The following RAB3C variants were observed in gnomAD, a reference collection of about 807,000 sequenced individuals.
RAB3C encodes RAB3C, member RAS oncogene family.
Under a neutral mutation model 26.4 loss-of-function variants are expected in RAB3C, and 17 were observed. The ratio of observed to expected loss-of-function variants is 0.64; its 90% CI spans 0.44 to 0.97. RAB3C has a LOEUF of 0.97. Among genes scored for constraint, RAB3C ranks in the 50% least tolerant of loss-of-function variants. RAB3C has a pLI of 0.00. For synonymous variants in RAB3C, 91 were observed against 95.9 expected (o/e 0.95, Z 0.30); for missense variants, 242 against 281.9 (o/e 0.86, Z 1.01).
chr5:58,682,468 G>A (rs1042772589), intron 2 of RAB3C, among the ~76,000 whole-genome samples: 4 of 151,760 alleles, frequency 2.6e-5, no homozygotes, highest in African/African-American at 9.7e-5. Flanking sequence ...GTGGATCATG[G>A]GGTCAGGAGA....
intron 3 of RAB3C, among the ~76,000 whole-genome samples, chr5:58,768,264 A>G (rs1741950853): frequency 6.6e-6 from 1 of 152,206 alleles, no homozygotes; most frequent in Admixed American, 6.5e-5. Context: ...TCTTGATCCC[A>G]GCACTGCTTT....
At chr5:58,636,674 A>G (rs1215717907) in intron 2 of RAB3C, among the ~76,000 whole-genome samples, 1 of 152,210 alleles carries the variant, frequency 6.6e-6, no homozygotes, top group Non-Finnish European at 1.5e-5. Context: ...GAGGAACAAA[A>G]TGTGCCTGAC....
At chr5:58,583,326 C>G (rs770478600) in intron 1 of RAB3C, 94 bp downstream of exon 1, 6 of 1,588,358 alleles carry the variant, frequency 3.8e-6, no homozygotes, top group Middle Eastern at 1.7e-4. Context: ...AAGGAAAGGT[C>G]TAGGCGGTCA....
At chr5:58,703,363 G>A (rs1359260010) in intron 2 of RAB3C, among the ~76,000 whole-genome samples, 1 of 152,016 alleles carries the variant, frequency 6.6e-6, no homozygotes, top group East Asian at 1.9e-4. Flanking sequence ...TGTATTTTTT[G>A]TAGAGATGGG....
Position 58,615,952 on chromosome 5 carries a change from A to C in RAB3C, c.25-1691A>C, listed in dbSNP as rs1357039772. 2.7e-5 allele frequency among the ~76,000 whole-genome samples: 4 copies of C among 149,222 alleles called. No homozygotes were observed. The East Asian group carries it at 8.0e-4, about 30-fold the overall frequency. On this transcript the variant is annotated intron_variant, in intron 1 of 4. Coordinates refer to ENST00000282878, the MANE Select transcript of RAB3C (RefSeq NM_138453.4). ...CCATTTCCCTTTTTCCTTTTTCCTC[A>C]GTTTTCTGTAAACATACGTGTACAC...
chr5:58,851,361 G>GCAGCTC lies in RAB3C; in HGVS notation c.*12_*13insGCTCCA. The GCAGCTC allele has an allele frequency of 6.3e-7, 1 of 1,577,652 alleles. No homozygotes were observed. Among genetic ancestry groups the GCAGCTC allele is most frequent in the African/African-American group, 1.4e-5 (1 of 73,520 alleles). On this transcript the variant is annotated 3_prime_UTR_variant, in exon 5 of 5. Transcript: ENST00000282878. ...CAACTGTGCCTGCTAGTGTCCCCGT[G>GCAGCTC]CACACAGGCAGCTCCAGGGGGCTCT...
intron 1 of RAB3C, among the ~76,000 whole-genome samples, chr5:58,607,863 T>G (rs1166712695): frequency 6.6e-6 from 1 of 152,088 alleles, no homozygotes; most frequent in East Asian, 1.9e-4. Context: ...AAGCAAATCC[T>G]TTACAGACAA....
chr5:58,752,934 A>G (rs1404681532), intron 3 of RAB3C, among the ~76,000 whole-genome samples: 2 of 152,110 alleles, frequency 1.3e-5, no homozygotes, highest in Non-Finnish European at 2.9e-5. Flanking sequence ...CTGCTTTATG[A>G]CAGTTGGAAT....
chr5:58,846,705 T>C (rs1744013510), intron 4 of RAB3C, among the ~76,000 whole-genome samples: 1 of 151,820 alleles, frequency 6.6e-6, no homozygotes, highest in African/African-American at 2.4e-5. Context: ...CTAATGAGGG[T>C]GAACCTCCAA....
At chr5:58,678,696 T>G (rs929228588) in intron 2 of RAB3C, among the ~76,000 whole-genome samples, 3 of 152,182 alleles carry the variant, frequency 2.0e-5, no homozygotes, top group Non-Finnish European at 4.4e-5. Flanking sequence ...GAATAAAAAT[T>G]TAAATTCACC....
intron 3 of RAB3C, among the ~76,000 whole-genome samples, chr5:58,824,011 T>G (rs1056665941): frequency 6.6e-6 from 1 of 151,766 alleles, no homozygotes; most frequent in African/African-American, 2.4e-5. Flanking sequence ...TTACTGAGAA[T>G]GATGATTTCC....
intron 2 of RAB3C, among the ~76,000 whole-genome samples, chr5:58,710,976 T>G (rs907885628): frequency 6.6e-6 from 1 of 152,238 alleles, no homozygotes; most frequent in Non-Finnish European, 1.5e-5. Flanking sequence ...AACACTCATA[T>G]AATTCACTAG....
intron 2 of RAB3C, among the ~76,000 whole-genome samples, chr5:58,645,188 C>A (rs1457122211): frequency 6.6e-6 from 1 of 152,190 alleles, no homozygotes; most frequent in Non-Finnish European, 1.5e-5. Context: ...TGAGACTGAA[C>A]ACATTTCCCT....
At chr5:58,605,467 C>T (rs942750993) in intron 1 of RAB3C, among the ~76,000 whole-genome samples, 1 of 152,192 alleles carries the variant, frequency 6.6e-6, no homozygotes, top group African/African-American at 2.4e-5. Context: ...AAATCAACAA[C>T]TCTTCTTATA....
intron 3 of RAB3C, among the ~76,000 whole-genome samples, chr5:58,755,211 G>A (rs1439452162): frequency 2.6e-5 from 4 of 152,218 alleles, no homozygotes; most frequent in Non-Finnish European, 4.4e-5. Context: ...GACAGTGCTG[G>A]TTTCTGACTT....
intron 2 of RAB3C, among the ~76,000 whole-genome samples, chr5:58,706,953 T>C (rs971101131): frequency 1.3e-5 from 2 of 152,252 alleles, no homozygotes; most frequent in Admixed American, 1.3e-4. Flanking sequence ...CCTGCTTTTC[T>C]TTCCATGACA....
rs191980822 is a variant in RAB3C, at chr5:58,748,177, G to C, written c.371+22057G>C. The stretch of plus-strand genomic sequence containing the variant: ...TAAGCCATTCCACATTACCCAGAAA[G>C]AATTTCAAGGGGGGGGAAATGATCT... On this transcript the variant is annotated intron_variant, in intron 3 of 4. Coordinates refer to ENST00000282878, the MANE Select transcript of RAB3C (RefSeq NM_138453.4). Among the ~76,000 whole-genome samples the C allele has an allele frequency of 4.0e-4, 59 of 145,942 alleles. 1 individual carries two copies. The East Asian group carries it at 0.012, about 30-fold the overall frequency.
intron 2 of RAB3C, among the ~76,000 whole-genome samples, chr5:58,641,587 C>T (rs1747413793): frequency 6.6e-6 from 1 of 152,226 alleles, no homozygotes; most frequent in Non-Finnish European, 1.5e-5. Context: ...CTACTCCTTA[C>T]TCAGCATTAC....
At chr5:58,770,999 A>C (rs1742019977) in intron 3 of RAB3C, among the ~76,000 whole-genome samples, 1 of 152,192 alleles carries the variant, frequency 6.6e-6, no homozygotes, top group Non-Finnish European at 1.5e-5. Flanking sequence ...TGTTTCAGAA[A>C]AGACTAAGAA....
Sources: gnomAD v4.1 joint callset for allele counts (sites outside exome capture counted in the v4.1 genomes callset) on GRCh38, gnomAD v4.1.1 for gene constraint, MANE v1.5 for transcripts, NCBI Gene and HGNC (gene_info 2026-07-23, HGNC 2026-07-21) for gene names.